The following AMACR variants were observed in gnomAD, a reference collection of about 807,000 sequenced individuals.
AMACR encodes alpha-methylacyl-CoA racemase, also known as 2-methylacyl-CoA racemase.
Under a neutral mutation model 22.2 loss-of-function variants are expected in AMACR, and 18 were observed. That is an observed-to-expected ratio of 0.81 (90% CI 0.56 to 1.20). The LOEUF is 1.20. Ranked by LOEUF, AMACR falls within the 50% of genes most tolerant of loss-of-function variation. The pLI, the probability that AMACR is intolerant of heterozygous loss-of-function variation, is 0.00. For synonymous variants in AMACR, 213 were observed against 191.3 expected, an observed-to-expected ratio of 1.11 and a Z score of -0.94; for missense variants, 499 against 490.6, an observed-to-expected ratio of 1.02 and a Z score of -0.16.
rs1033020078 is a variant in AMACR at position 33,986,361 on chromosome 5, T to C, written c.*2732A>G. 4 of 152,196 alleles carry C rather than the reference T, an allele frequency of 2.6e-5. No homozygotes were observed. Among genetic ancestry groups the C allele is most frequent in the African/African-American group, 9.7e-5 (4 of 41,428 alleles). 9.4% of individuals were successfully genotyped at this position (152,196 alleles called of 1,614,324 possible). On this transcript the variant is annotated 3_prime_UTR_variant, in exon 5 of 5. Transcript: ENST00000335606. Reference sequence around the variant, plus strand: ...CATTTTACAATGAGATAATTCTGGGTTTATTCCATATCCTGTGTTTGTCTT... The same window carrying C: ...CATTTTACAATGAGATAATTCTGGGCTTATTCCATATCCTGTGTTTGTCTT...
chr5:33,995,321 A>G (rs1287450184), intron 4 of AMACR, among the ~76,000 whole-genome samples: 1 of 152,232 alleles, frequency 6.6e-6, no homozygotes, highest in Non-Finnish European at 1.5e-5. Flanking sequence ...TATGCCAAAG[A>G]GAAGCCTAAC....
At position 33,988,741 on chromosome 5, in the gene AMACR, T is replaced by G; in HGVS notation, c.*352A>C. 7 of 1,200,032 alleles carry G rather than the reference T, an allele frequency of 5.8e-6. No individual in the cohort carries two copies. Among genetic ancestry groups the G allele is most frequent in the Non-Finnish European group, 7.3e-6 (7 of 963,140 alleles). 74.3% of individuals were successfully genotyped at this position (1,200,032 alleles called of 1,614,324 possible). ...TTTCTACATTGTAGAATCAAGAGTG[T>G]AAATAAATGTATATCGATGTCTTCA... On this transcript the variant is annotated 3_prime_UTR_variant, in exon 5 of 5. Transcript: ENST00000335606.
At chr5:33,997,695 C>T (rs778822293) in intron 4 of AMACR, 5 of 635,858 alleles carry the variant, frequency 7.9e-6, no homozygotes, top group African/African-American at 1.8e-5. Context: ...AGAGAGGTAC[C>T]CTTTATGATC....
intron 4 of AMACR, among the ~76,000 whole-genome samples, chr5:33,995,501 C>T (rs1049046107): frequency 1.3e-5 from 2 of 152,188 alleles, no homozygotes; most frequent in Non-Finnish European, 2.9e-5. Flanking sequence ...ACAACTCAGA[C>T]TGAAAAGTTA....
At chr5:34,005,653 TA>T in intron 2 of AMACR, 102 bp downstream of exon 2, 1 of 1,406,790 alleles carries the variant, frequency 7.1e-7, no homozygotes, top group Non-Finnish European at 9.7e-7. Context: ...TTGATTCTGA[TA>T]AATGTTTAAA....
At chr5:34,006,548 A>G (rs574422085) in intron 1 of AMACR, among the ~76,000 whole-genome samples, 36 of 152,352 alleles carry the variant, frequency 2.4e-4, no homozygotes, top group African/African-American at 8.4e-4. Flanking sequence ...GCTAAAATAA[A>G]TCACAGAAAA....
chr5:34,000,447 T>C (rs770649718), intron 3 of AMACR, among the ~76,000 whole-genome samples: 4 of 152,238 alleles, frequency 2.6e-5, no homozygotes, highest in Non-Finnish European at 4.4e-5. Context: ...TTTGTTCTGC[T>C]TCATCATAAA....
chr5:33,997,467 T>A, intron 4 of AMACR: 1 of 779,438 alleles, frequency 1.3e-6, no homozygotes, highest in South Asian at 1.3e-5. Flanking sequence ...TTGCCTTGCC[T>A]GGCACGATAC....
At chr5:34,003,421 A>G (rs552663718) in intron 3 of AMACR, among the ~76,000 whole-genome samples, 1 of 152,292 alleles carries the variant, frequency 6.6e-6, no homozygotes, top group African/African-American at 2.4e-5. Context: ...CAATGGATGA[A>G]CTCATTGAAT....
intron 4 of AMACR, chr5:33,997,803 A>C: frequency 2.2e-6 from 1 of 454,642 alleles, no homozygotes; most frequent in Non-Finnish European, 3.8e-6. Flanking sequence ...TGCTTGCAAA[A>C]ACAATTACTC....
chr5:34,002,477 GCT>G (rs1173136303), intron 3 of AMACR, among the ~76,000 whole-genome samples: 2 of 152,190 alleles, frequency 1.3e-5, no homozygotes, highest in African/African-American at 4.8e-5. Flanking sequence ...CTCCATGTTT[GCT>G]CTTAGTTCAT....
At chr5:33,997,033 A>C in intron 4 of AMACR, 2 of 665,066 alleles carry the variant, frequency 3.0e-6, no homozygotes, top group South Asian at 3.2e-5. Context: ...TTTCATTAAA[A>C]CTTATTTAAG....
intron 1 of AMACR, 126 bp from the exon 2 acceptor site, chr5:34,006,025 G>A: frequency 1.7e-6 from 2 of 1,171,194 alleles, no homozygotes; most frequent in Non-Finnish European, 2.4e-6. Context: ...GTAGGCTAAT[G>A]GCATGTTTAC....
intron 3 of AMACR, among the ~76,000 whole-genome samples, chr5:34,000,109 A>C (rs4866402): frequency 0.74 from 112,456 of 152,190 alleles, 41,973 homozygotes; most frequent in East Asian, 0.84. Flanking sequence ...TTGCATAAAT[A>C]TTACCTTGTA....
chr5:33,996,762 ACC>A (rs1753648191), intron 4 of AMACR, among the ~76,000 whole-genome samples: 1 of 151,640 alleles, frequency 6.6e-6, no homozygotes, highest in Non-Finnish European at 1.5e-5. Context: ...ACAGAGTGAG[ACC>A]CTGTCCCCTA....
chr5:33,991,325 C>T lies in AMACR; in HGVS notation c.740-1823G>A, dbSNP rs186757646. Reference sequence around the variant, plus strand: ...CTGACCAAGGCCACAGGATTAAACACCAATGGTTTAAGGTGAGCTGTTTGC... The same window carrying T: ...CTGACCAAGGCCACAGGATTAAACATCAATGGTTTAAGGTGAGCTGTTTGC... On this transcript the variant is annotated intron_variant, in intron 4 of 4. Transcript: ENST00000335606. 3.2e-3 allele frequency among the ~76,000 whole-genome samples: 491 copies of T among 152,286 alleles called. 3 individuals carry two copies. The highest frequency in any genetic ancestry group is 0.011 in the African/African-American group (450 of 41,544).
intron 3 of AMACR, among the ~76,000 whole-genome samples, chr5:34,000,420 C>T (rs1010300554): frequency 1.3e-5 from 2 of 152,148 alleles, no homozygotes; most frequent in African/African-American, 4.8e-5. Context: ...AGTGAGTCGA[C>T]CTAGAAACAA....
chr5:34,005,098 GA>G (rs981991312), intron 2 of AMACR, among the ~76,000 whole-genome samples: 17 of 151,724 alleles, frequency 1.1e-4, no homozygotes, highest in Admixed American at 5.2e-4. Flanking sequence ...TTGCAGACAA[GA>G]AAAAAAAGGA....
At chr5:33,990,731 T>C (rs1402969655) in intron 4 of AMACR, among the ~76,000 whole-genome samples, 1 of 152,232 alleles carries the variant, frequency 6.6e-6, no homozygotes, top group Middle Eastern at 3.2e-3. Flanking sequence ...TCAAGGCTAA[T>C]TGTAAATTGC....
Sources: gnomAD v4.1 joint callset for allele counts (sites outside exome capture counted in the v4.1 genomes callset) on GRCh38, gnomAD v4.1.1 for gene constraint, MANE v1.5 for transcripts, NCBI Gene and HGNC (gene_info 2026-07-23, HGNC 2026-07-21) for gene names.